LIN52: variants seen among roughly 807,000 people sequenced by gnomAD.
LIN52 encodes protein lin-52 homolog.
LIN52 carries 4 observed loss-of-function variants against 18.5 expected under a neutral mutation model. The ratio of observed to expected loss-of-function variants is 0.22; its 90% CI spans 0.11 to 0.49. The LOEUF (loss-of-function observed/expected upper bound fraction) is 0.49. Ranked by LOEUF, LIN52 falls within the 20% of genes least tolerant of loss-of-function variation. The pLI is 0.97. For missense variants in LIN52, 102 were observed against 139.5 expected (o/e 0.73, Z 1.35); for synonymous variants, 34 against 45.5 (o/e 0.75, Z 1.02).
chr14:74,197,057 A>G (rs2078917144), intron 5 of LIN52, among the ~76,000 whole-genome samples: 1 of 152,172 alleles, frequency 6.6e-6, no homozygotes, highest in African/African-American at 2.4e-5. Flanking sequence ...ACTTGGCATT[A>G]TTTGCATTAA....
At chr14:74,167,113 T>TTC (rs1555384223) in intron 5 of LIN52, among the ~76,000 whole-genome samples, 3 of 2,750 alleles carry the variant, frequency 1.1e-3, no homozygotes, top group Non-Finnish European at 4.6e-3. Flanking sequence ...CCTCTGCTGC[T>TTC]TTTTTTTTTT....
intron 5 of LIN52, among the ~76,000 whole-genome samples, chr14:74,167,112 C>CTTTTTT (rs9323596): frequency 8.4e-6 from 1 of 119,108 alleles, no homozygotes; most frequent in Non-Finnish European, 1.7e-5. Flanking sequence ...GCCTCTGCTG[C>CTTTTTT]TTTTTTTTTT....
chr14:74,087,413 C>CAAA (rs59052804), intron 1 of LIN52, among the ~76,000 whole-genome samples: 4 of 100,234 alleles, frequency 4.0e-5, no homozygotes, highest in East Asian at 4.6e-4. Context: ...GACTCCATTG[C>CAAA]AAAAAAAAAA....
intron 5 of LIN52, among the ~76,000 whole-genome samples, chr14:74,126,777 G>A (rs1268747716): frequency 1.3e-5 from 2 of 152,160 alleles, no homozygotes; most frequent in Admixed American, 1.3e-4. Context: ...TGGGATTTTT[G>A]TGGGGAAGGT....
chr14:74,166,253 G>A lies in LIN52; in HGVS notation c.284-32669G>A, dbSNP rs553976652. 5.7e-5 allele frequency among the ~76,000 whole-genome samples: 8 copies of A among 140,010 alleles called. No individual in the cohort carries two copies. The South Asian group carries it at 1.6e-3, about 28-fold the overall frequency. The allele number at this position is 140,010 out of a possible 152,430, so 91.9% of individuals were successfully genotyped here. A position where few individuals can be genotyped will look rare whatever the true frequency, so the allele number is the denominator to read the frequency against. On this transcript the variant is annotated intron_variant, in intron 5 of 5. Transcript: ENST00000555028. ...TTTTTTAAGACAGAGTTTTGCTCTC[G>A]TTGCCCAGGTTGGAGTGCAATGGCG...
chr14:74,180,937 T>C (rs1017861218), intron 5 of LIN52, among the ~76,000 whole-genome samples: 4 of 151,150 alleles, frequency 2.6e-5, no homozygotes, highest in Admixed American at 2.6e-4. Flanking sequence ...AGTGAGACCC[T>C]GTCTACAAAA....
chr14:74,160,693 T>C (rs2061220451), intron 5 of LIN52, among the ~76,000 whole-genome samples: 1 of 152,194 alleles, frequency 6.6e-6, no homozygotes, highest in African/African-American at 2.4e-5. Context: ...ACTCTTTACT[T>C]TCTCAAGCAC....
At chr14:74,108,349 A>T (rs67575381) in intron 5 of LIN52, among the ~76,000 whole-genome samples, 16,964 of 152,226 alleles carry the variant, frequency 0.11, 1,243 homozygotes, top group Admixed American at 0.19. Flanking sequence ...CAACCAAAAC[A>T]CACAACTTTT....
chr14:74,123,318 T>A (rs1428257608), intron 5 of LIN52, among the ~76,000 whole-genome samples: 1 of 152,172 alleles, frequency 6.6e-6, no homozygotes, highest in Non-Finnish European at 1.5e-5. Context: ...CTATAAATCC[T>A]AGTAGGAGAA....
chr14:74,130,278 G>GTTTTTTTTTTTGT lies in LIN52; in HGVS notation c.283+29051_283+29052insGTTTTTTTTTTTT, dbSNP rs2061055285. Among the ~76,000 whole-genome samples the GTTTTTTTTTTTGT allele has an allele frequency of 0.025, 1,619 of 64,614 alleles. 248 individuals carry two copies. The East Asian group carries it at 0.42, about 17-fold the overall frequency. The allele number at this position is 64,614 out of a possible 152,430, so 42.4% of individuals were successfully genotyped here. On this transcript the variant is annotated intron_variant, in intron 5 of 5. Coordinates refer to ENST00000555028, the MANE Select transcript of LIN52 (RefSeq NM_001024674.3). ...GAATTTATTAGATAGGCATTTTTTGGTTTTTTTTTTTTTTTTTTGAGACAG... is the reference window on the plus strand; with the variant it reads ...GAATTTATTAGATAGGCATTTTTTGGTTTTTTTTTTTGTTTTTTTTTTTTTTTTTTTGAGACAG...
At position 74,175,711 on chromosome 14, in the gene LIN52, T is replaced by TAC. The variant is rs35602442; in HGVS notation, c.284-23172_284-23171dup. Among the ~76,000 whole-genome samples, 840 of 86,378 alleles carry TAC rather than the reference T, an allele frequency of 9.7e-3. 13 individuals are homozygous for TAC. The East Asian group carries it at 0.18, about 19-fold the overall frequency. The allele number at this position is 86,378 out of a possible 152,430, so 56.7% of individuals were successfully genotyped here. On this transcript the variant is annotated intron_variant, in intron 5 of 5. Transcript: ENST00000555028. ...GATCCCATCTCTTAACACAGACACA[T>TAC]ACACACACACACACACACACACACA...
At chr14:74,120,283 G>A (rs1449638785) in intron 5 of LIN52, among the ~76,000 whole-genome samples, 1 of 151,976 alleles carries the variant, frequency 6.6e-6, no homozygotes, top group Non-Finnish European at 1.5e-5. Flanking sequence ...GAACCAAAGA[G>A]TTTTTTCCCC....
intron 5 of LIN52, among the ~76,000 whole-genome samples, chr14:74,104,272 TATC>T (rs1269781544): frequency 1.3e-5 from 2 of 152,204 alleles, no homozygotes; most frequent in African/African-American, 2.4e-5. Context: ...ACTTGTTAAA[TATC>T]ATCAAATAGC....
chr14:74,199,376 A>ACCCTC lies in LIN52; in HGVS notation c.*399_*400insCCCTC, dbSNP rs2078933295. ...ATGTTGATTGGATGGGTTCTTTTGAATTGTTCTTGATCTCTTAGAAAGTGT... is the reference window on the plus strand; with the variant it reads ...ATGTTGATTGGATGGGTTCTTTTGAACCCTCTTGTTCTTGATCTCTTAGAAAGTGT... On this transcript the variant is annotated 3_prime_UTR_variant, in exon 6 of 6. Transcript: ENST00000555028. 4 of 163,770 alleles carry ACCCTC rather than the reference A, an allele frequency of 2.4e-5. No homozygotes were observed. In the Admixed American group the frequency reaches 2.5e-4, roughly 10 times the overall value. 10.1% of individuals were successfully genotyped at this position (163,770 alleles called of 1,614,324 possible).
chr14:74,190,963 C>G (rs1330831609), intron 5 of LIN52, among the ~76,000 whole-genome samples: 1 of 152,232 alleles, frequency 6.6e-6, no homozygotes, highest in East Asian at 1.9e-4. Context: ...GACAGTGACT[C>G]CAGCACCAGC....
chr14:74,117,556 TAGG>T (rs748599949), intron 5 of LIN52, among the ~76,000 whole-genome samples: 1 of 152,116 alleles, frequency 6.6e-6, no homozygotes, highest in Non-Finnish European at 1.5e-5. Context: ...AAAGTGTTCA[TAGG>T]AGTTCAGTTT....
At chr14:74,130,278 G>GTGTTTTTTTTTT (rs1566856480) in intron 5 of LIN52, among the ~76,000 whole-genome samples, 38 of 64,814 alleles carry the variant, frequency 5.9e-4, no homozygotes, top group South Asian at 2.0e-3. Context: ...GCATTTTTTG[G>GTGTTTTTTTTTT]TTTTTTTTTT....
At chr14:74,169,699 C>T (rs1732727406) in intron 5 of LIN52, among the ~76,000 whole-genome samples, 1 of 152,284 alleles carries the variant, frequency 6.6e-6, no homozygotes, top group South Asian at 2.1e-4. Flanking sequence ...TCATAGTACC[C>T]CCTTTTAAAA....
rs994441529 is a variant in LIN52, at chr14:74,200,936, A to G, written c.*1959A>G. The stretch of plus-strand genomic sequence containing the variant: ...AGTGTTTGGGGAAATTGATTGGGAT[A>G]CCTCCCCCAAACCAACTCAAGTCTG... On this transcript the variant is annotated 3_prime_UTR_variant, in exon 6 of 6. Transcript: ENST00000555028. The G allele has an allele frequency of 1.3e-5, 2 of 151,646 alleles. No homozygotes were observed. The highest frequency in any genetic ancestry group is 2.9e-5 in the Non-Finnish European group (2 of 67,942). 9.4% of individuals were successfully genotyped at this position (151,646 alleles called of 1,614,324 possible).
Sources: gnomAD v4.1 joint callset for allele counts (sites outside exome capture counted in the v4.1 genomes callset) on GRCh38, gnomAD v4.1.1 for gene constraint, MANE v1.5 for transcripts, NCBI Gene and HGNC (gene_info 2026-07-23, HGNC 2026-07-21) for gene names.